Variants in CFAP299 observed in about 807,000 individuals in gnomAD.
CFAP299 encodes the protein cilia and flagella associated protein 299.
Under a neutral mutation model 27.0 loss-of-function variants are expected in CFAP299, and 21 were observed. The observed-to-expected ratio is 0.78, with a 90% confidence interval of 0.55 to 1.12. The LOEUF is 1.12. Ranked by LOEUF, CFAP299 falls within the 50% of genes most tolerant of loss-of-function variation. The probability of loss-of-function intolerance (pLI) is 0.00; values close to 1 mark genes in which losing one functional copy is unlikely to be tolerated. For synonymous variants in CFAP299, 104 were observed against 98.1 expected (o/e 1.06, Z -0.36); for missense variants, 310 against 276.6 (o/e 1.12, Z -0.86).
At chr4:80,545,441 GA>G (rs113393922) in intron 2 of CFAP299, among the ~76,000 whole-genome samples, 12 of 149,910 alleles carry the variant, frequency 8.0e-5, no homozygotes, top group East Asian at 1.9e-4. Flanking sequence ...CCCTACAGAA[GA>G]AAAAAAAACC....
chr4:80,831,020 G>A (rs1010374518), intron 3 of CFAP299, among the ~76,000 whole-genome samples: 6 of 151,978 alleles, frequency 3.9e-5, no homozygotes, highest in African/African-American at 7.3e-5. Context: ...TTGCACAAAC[G>A]GAAAATGGCA....
At chr4:80,756,585 A>G (rs1475846635) in intron 3 of CFAP299, among the ~76,000 whole-genome samples, 2 of 152,162 alleles carry the variant, frequency 1.3e-5, no homozygotes, top group African/African-American at 4.8e-5. Flanking sequence ...CAAAAGAATA[A>G]CAATATTTTA....
chr4:80,559,033 A>G (rs1426000662), intron 2 of CFAP299, among the ~76,000 whole-genome samples: 2 of 152,096 alleles, frequency 1.3e-5, no homozygotes, highest in Non-Finnish European at 2.9e-5. Context: ...TTTGGTCATT[A>G]CTCCACAAAT....
intron 2 of CFAP299, among the ~76,000 whole-genome samples, chr4:80,545,665 T>C (rs1734191916): frequency 6.6e-6 from 1 of 152,068 alleles, no homozygotes; most frequent in African/African-American, 2.4e-5. Context: ...CTACCAGATT[T>C]ACAAACAAGA....
chr4:80,492,631 T>C (rs1012568208), intron 2 of CFAP299, among the ~76,000 whole-genome samples: 2 of 152,200 alleles, frequency 1.3e-5, no homozygotes, highest in Non-Finnish European at 2.9e-5. Flanking sequence ...CACATTTTCA[T>C]GCATCTAAAA....
intron 3 of CFAP299, among the ~76,000 whole-genome samples, chr4:80,645,292 G>A (rs1739944842): frequency 6.6e-6 from 1 of 152,066 alleles, no homozygotes; most frequent in Non-Finnish European, 1.5e-5. Context: ...GGAGTATAGA[G>A]TTGCAGTTGA....
At chr4:80,412,502 T>G (rs1283769712) in intron 2 of CFAP299, among the ~76,000 whole-genome samples, 1 of 152,118 alleles carries the variant, frequency 6.6e-6, no homozygotes, top group East Asian at 1.9e-4. Context: ...CATAACATAT[T>G]CCAGTAGCAC....
At chr4:80,714,851 T>G (rs1292779173) in intron 3 of CFAP299, among the ~76,000 whole-genome samples, 1 of 152,014 alleles carries the variant, frequency 6.6e-6, no homozygotes, top group African/African-American at 2.4e-5. Flanking sequence ...TGTAGGAAAA[T>G]TGAGCCCGTT....
At position 80,342,759 on chromosome 4, in the gene CFAP299, C is replaced by T. The variant is rs147938434; in HGVS notation, c.111+6880C>T. ...ACCAACTAATGACACTATGAAGCAA[C>T]CACATAAACAAGTCTGCAAAATAAC... On this transcript the variant is annotated intron_variant, in intron 1 of 5. Transcript: ENST00000358105. Among the ~76,000 whole-genome samples, 796 of 152,264 alleles carry T rather than the reference C, an allele frequency of 5.2e-3. 8 individuals are homozygous for T. The highest frequency in any genetic ancestry group is 0.018 in the South Asian group (85 of 4,822).
chr4:80,346,754 G>T (rs928943644), intron 1 of CFAP299, among the ~76,000 whole-genome samples: 2 of 152,088 alleles, frequency 1.3e-5, no homozygotes, highest in African/African-American at 2.4e-5. Flanking sequence ...TTGGCGATGC[G>T]GGCTCTTTTT....
intron 3 of CFAP299, among the ~76,000 whole-genome samples, chr4:80,793,881 A>G (rs1275906594): frequency 6.6e-6 from 1 of 152,180 alleles, no homozygotes; most frequent in Admixed American, 6.6e-5. Flanking sequence ...TACCTCGTCT[A>G]CTATCCATTC....
intron 2 of CFAP299, among the ~76,000 whole-genome samples, chr4:80,507,869 A>G (rs1419951014): frequency 6.6e-6 from 1 of 152,166 alleles, no homozygotes; most frequent in Non-Finnish European, 1.5e-5. Flanking sequence ...AATAAATTAT[A>G]ACTGATTCCT....
chr4:80,881,621 CT>C (rs1346891372), intron 4 of CFAP299, among the ~76,000 whole-genome samples: 1 of 152,112 alleles, frequency 6.6e-6, no homozygotes, highest in African/African-American at 2.4e-5. Context: ...TGAGTCTGGA[CT>C]AGTACATAAA....
intron 3 of CFAP299, among the ~76,000 whole-genome samples, chr4:80,863,566 C>T (rs933802417): frequency 6.6e-6 from 1 of 152,086 alleles, no homozygotes; most frequent in Non-Finnish European, 1.5e-5. Flanking sequence ...GTCTTATTCC[C>T]CACTTCAATA....
intron 3 of CFAP299, among the ~76,000 whole-genome samples, chr4:80,813,071 T>C (rs973756145): frequency 6.6e-6 from 1 of 152,088 alleles, no homozygotes; most frequent in African/African-American, 2.4e-5. Flanking sequence ...CTGAACACTT[T>C]GTAATAGAAC....
intron 4 of CFAP299, 99 bp downstream of exon 4, chr4:80,870,234 G>A (rs1733004105): frequency 1.5e-6 from 2 of 1,378,136 alleles, no homozygotes; most frequent in Non-Finnish European, 1.9e-6. Context: ...TATATAACAG[G>A]AATGTGATAT....
At position 80,866,059 on chromosome 4, in the gene CFAP299, TTATATATATATATATA is replaced by T. The variant is rs70956073; in HGVS notation, c.334-3912_334-3897del. ...CTTGTGCACCGTAGAACTTAAAGTA[TTATATATATATATATA>T]TATATATATATATATATATATCTTC... On this transcript the variant is annotated intron_variant, in intron 3 of 5. Transcript: ENST00000358105. Among the ~76,000 whole-genome samples the T allele has an allele frequency of 2.7e-3, 156 of 58,376 alleles. 5 individuals are homozygous for T. Among genetic ancestry groups the T allele is most frequent in the African/African-American group, 5.2e-3 (135 of 26,160 alleles). 38.3% of individuals were successfully genotyped at this position (58,376 alleles called of 152,430 possible).
intron 2 of CFAP299, among the ~76,000 whole-genome samples, chr4:80,508,100 C>T (rs1193650123): frequency 6.6e-6 from 1 of 152,134 alleles, no homozygotes; most frequent in Non-Finnish European, 1.5e-5. Flanking sequence ...TTAGATTTTA[C>T]TGAAAAGGTG....
chr4:80,950,115 T>C (rs560593692), intron 5 of CFAP299, among the ~76,000 whole-genome samples: 2 of 152,254 alleles, frequency 1.3e-5, no homozygotes, highest in African/African-American at 4.8e-5. Flanking sequence ...GAGAGCTCAC[T>C]TTCCCCCAGT....
Sources: allele counts gnomAD v4.1 joint callset (sites outside exome capture counted in the v4.1 genomes callset), GRCh38; gene constraint gnomAD v4.1.1; transcripts MANE v1.5; gene names NCBI Gene and HGNC (gene_info 2026-07-23, HGNC 2026-07-21).